NCOA2: variants seen among roughly 807,000 people sequenced by gnomAD.
The protein encoded by NCOA2 is nuclear receptor coactivator 2.
A neutral mutation model predicts 145.1 loss-of-function variants in NCOA2; 21 were observed. The ratio of observed to expected loss-of-function variants is 0.14; its 90% CI spans 0.10 to 0.21. The LOEUF (loss-of-function observed/expected upper bound fraction) is 0.21, where lower values mean the gene tolerates loss of function less well. Ranked by LOEUF, NCOA2 falls within the 10% of genes least tolerant of loss-of-function variation. The pLI, the probability that NCOA2 is intolerant of heterozygous loss-of-function variation, is 1.00. For synonymous variants in NCOA2, 619 were observed against 637.5 expected (o/e 0.97, Z 0.44); for missense variants, 1,472 against 1,837.6 (o/e 0.80, Z 3.64).
chr8:70,134,999 T>A lies in NCOA2; in HGVS notation c.3159-2997A>T, dbSNP rs1033310013. On this transcript the variant is annotated intron_variant, in intron 15 of 22. Coordinates refer to ENST00000452400, the MANE Select transcript of NCOA2 (RefSeq NM_006540.4). ...AAACAGGCCCTACTCAGAATTCTTATGTGGTTCTTCAGCTCTCCCAGGAAA... is the reference window on the plus strand; with the variant it reads ...AAACAGGCCCTACTCAGAATTCTTAAGTGGTTCTTCAGCTCTCCCAGGAAA... 3.3e-5 allele frequency among the ~76,000 whole-genome samples: 5 copies of A among 152,242 alleles called. No individual in the cohort carries two copies. The East Asian group carries it at 9.7e-4, about 29-fold the overall frequency.
At chr8:70,157,387 C>A in intron 10 of NCOA2, 147 bp from the exon 11 acceptor site, 1 of 770,630 alleles carries the variant, frequency 1.3e-6, no homozygotes, top group Non-Finnish European at 2.0e-6. Flanking sequence ...AAATCATCTG[C>A]AATTATTGAC....
the NCOA2 span, among the ~76,000 whole-genome samples, chr8:70,433,952 G>GA: frequency 2.6e-5 from 4 of 151,996 alleles, no homozygotes; most frequent in Non-Finnish European, 5.9e-5. Flanking sequence ...GAACTTCAGG[G>GA]AAAAAAATAT....
intron 4 of NCOA2, among the ~76,000 whole-genome samples, chr8:70,184,930 C>T (rs191482476): frequency 1.3e-5 from 2 of 152,300 alleles, no homozygotes; most frequent in Non-Finnish European, 2.9e-5. Flanking sequence ...TCTTCCATGC[C>T]TAGGAATCCT....
intron 1 of NCOA2, among the ~76,000 whole-genome samples, chr8:70,327,606 A>C (rs114444261): frequency 0.011 from 1,741 of 152,340 alleles, 43 homozygotes; most frequent in African/African-American, 0.04. Context: ...AAGTACAAGT[A>C]CAATCTCACT....
chr8:70,206,192 G>A (rs1818420355), intron 4 of NCOA2, among the ~76,000 whole-genome samples: 1 of 152,186 alleles, frequency 6.6e-6, no homozygotes, highest in African/African-American at 2.4e-5. Context: ...ATGTCATAAG[G>A]AACTATAAAC....
intron 1 of NCOA2, among the ~76,000 whole-genome samples, chr8:70,304,473 T>A (rs557447648): frequency 1.9e-4 from 22 of 118,184 alleles, no homozygotes; most frequent in East Asian, 6.0e-4. Flanking sequence ...ATATGCATAT[T>A]TTTTTTTTTT....
At chr8:70,334,876 G>A (rs1807429375) in intron 1 of NCOA2, among the ~76,000 whole-genome samples, 1 of 152,048 alleles carries the variant, frequency 6.6e-6, no homozygotes, top group South Asian at 2.1e-4. Context: ...TGTGATCTCA[G>A]CACTTTGGGA....
rs141035605 is a variant in NCOA2 at position 70,151,832 on chromosome 8, A to C, written c.2395-3349T>G. Among the ~76,000 whole-genome samples, 1,251 of 152,318 alleles carry C rather than the reference A, an allele frequency of 8.2e-3. 13 individuals are homozygous for C. The highest frequency in any genetic ancestry group is 0.028 in the African/African-American group (1,156 of 41,556). ...TCACTTTACATGTTCTTCTTCAAGG[A>C]GATAAAGTTCAGAATATCTATACCC... On this transcript the variant is annotated intron_variant, in intron 11 of 22. Coordinates refer to ENST00000452400, the MANE Select transcript of NCOA2 (RefSeq NM_006540.4).
intron 1 of NCOA2, among the ~76,000 whole-genome samples, chr8:70,372,803 T>C (rs1048996260): frequency 6.6e-6 from 1 of 152,158 alleles, no homozygotes; most frequent in African/African-American, 2.4e-5. Context: ...CAAGCAACCA[T>C]TTGCCTGATT....
intron 1 of NCOA2, among the ~76,000 whole-genome samples, chr8:70,308,604 T>C (rs941792951): frequency 2.6e-5 from 4 of 152,148 alleles, no homozygotes; most frequent in Non-Finnish European, 5.9e-5. Flanking sequence ...GGAAATTCAT[T>C]TGTAGCATGA....
chr8:70,242,564 C>A (rs189702998), intron 2 of NCOA2, among the ~76,000 whole-genome samples: 12 of 152,206 alleles, frequency 7.9e-5, no homozygotes, highest in African/African-American at 2.6e-4. Flanking sequence ...CCTTTTTCTG[C>A]ATTTCTGAAT....
intron 4 of NCOA2, among the ~76,000 whole-genome samples, chr8:70,198,998 G>A (rs1463608317): frequency 6.6e-6 from 1 of 152,050 alleles, no homozygotes; most frequent in Non-Finnish European, 1.5e-5. Context: ...TGAAAGATGA[G>A]GGAAAGGTCA....
Position 70,347,508 on chromosome 8 carries a change from G to T in NCOA2, c.-76-50708C>A, listed in dbSNP as rs532814408. On this transcript the variant is annotated intron_variant, in intron 1 of 22. Transcript: ENST00000452400. ...TTAAAAAAAAAAAGAAAAAAAAAATGAGCTGGGCATGGTGACATATGTCTG... is the reference window on the plus strand; with the variant it reads ...TTAAAAAAAAAAAGAAAAAAAAAATTAGCTGGGCATGGTGACATATGTCTG... Among the ~76,000 whole-genome samples, 15 of 151,536 alleles carry T rather than the reference G, an allele frequency of 9.9e-5. No homozygotes were observed. The South Asian group carries it at 2.7e-3, about 27-fold the overall frequency.
At chr8:70,369,142 CCATT>C (rs1810991116) in intron 1 of NCOA2, among the ~76,000 whole-genome samples, 1 of 152,190 alleles carries the variant, frequency 6.6e-6, no homozygotes, top group African/African-American at 2.4e-5. Context: ...GATTTTCTAT[CCATT>C]ATCAAAATGA....
At chr8:70,300,805 C>A (rs1827431702) in intron 1 of NCOA2, among the ~76,000 whole-genome samples, 1 of 152,054 alleles carries the variant, frequency 6.6e-6, no homozygotes, top group South Asian at 2.1e-4. Flanking sequence ...TTTGGCTTAA[C>A]AACAATGTAA....
intron 6 of NCOA2, among the ~76,000 whole-genome samples, chr8:70,169,650 C>T (rs1352873972): frequency 2.0e-5 from 3 of 152,110 alleles, no homozygotes; most frequent in African/African-American, 7.2e-5. Flanking sequence ...GACAGATGCT[C>T]AAGGGGATAA....
chr8:70,373,996 G>A (rs1811444668), intron 1 of NCOA2, among the ~76,000 whole-genome samples: 1 of 152,004 alleles, frequency 6.6e-6, no homozygotes, highest in Admixed American at 6.5e-5. Flanking sequence ...CTAAGTCTTT[G>A]CACTTCCATA....
the NCOA2 span, among the ~76,000 whole-genome samples, chr8:70,439,812 C>T: frequency 0.15 from 23,464 of 152,096 alleles, 2,292 homozygotes; most frequent in East Asian, 0.34. Flanking sequence ...CTATTCATCC[C>T]GTCGCTGTCC....
At chr8:70,124,621 A>T (rs1202576075) in intron 20 of NCOA2, 67 bp downstream of exon 20, 1 of 1,449,752 alleles carries the variant, frequency 6.9e-7, no homozygotes, top group Admixed American at 2.3e-5. Context: ...GGGTGCAGGC[A>T]TGAAGGTGGG....
Sources: gnomAD v4.1 joint callset for allele counts (sites outside exome capture counted in the v4.1 genomes callset) on GRCh38, gnomAD v4.1.1 for gene constraint, MANE v1.5 for transcripts, NCBI Gene and HGNC (gene_info 2026-07-23, HGNC 2026-07-21) for gene names.